The following CHN2 variants were observed in gnomAD, a reference collection of about 807,000 sequenced individuals.
CHN2 encodes chimerin 2.
Under a neutral mutation model 56.3 loss-of-function variants are expected in CHN2, and 35 were observed. The ratio of observed to expected loss-of-function variants is 0.62; its 90% CI spans 0.47 to 0.82. CHN2 has a LOEUF of 0.82. Among genes scored for constraint, CHN2 ranks in the 40% least tolerant of loss-of-function variants. The pLI, the probability that CHN2 is intolerant of heterozygous loss-of-function variation, is 0.00. For synonymous variants in CHN2, 210 were observed against 212.8 expected, an observed-to-expected ratio of 0.99 and a Z score of 0.12; for missense variants, 491 against 580.5, an observed-to-expected ratio of 0.85 and a Z score of 1.58.
intron 1 of CHN2, among the ~76,000 whole-genome samples, chr7:29,257,627 C>G (rs964457094): frequency 5.3e-5 from 8 of 152,156 alleles, no homozygotes; most frequent in Admixed American, 6.5e-5. Context: ...GAAATGGCAG[C>G]TTCAGAGAGG....
At chr7:29,506,653 A>G (rs1201998019) in intron 10 of CHN2, among the ~76,000 whole-genome samples, 1 of 152,182 alleles carries the variant, frequency 6.6e-6, no homozygotes, top group East Asian at 1.9e-4. Flanking sequence ...ACAAAAAAGA[A>G]TGATAAGAAA....
At chr7:29,373,335 C>A (rs1799770982) in intron 3 of CHN2, among the ~76,000 whole-genome samples, 1 of 152,046 alleles carries the variant, frequency 6.6e-6, no homozygotes, top group Admixed American at 6.6e-5. Context: ...CCCCACTGCA[C>A]CTGGCTCATT....
rs189981312 is a variant in CHN2, at chr7:29,406,431, T to A, written c.576+5603T>A. Among the ~76,000 whole-genome samples, 118 of 152,220 alleles carry A rather than the reference T, an allele frequency of 7.8e-4. 1 individual carries two copies. Among genetic ancestry groups the A allele is most frequent in the Non-Finnish European group, 1.5e-3 (99 of 68,008 alleles). ...AGGGGTACCTGTGAGCTGTTAACAT[T>A]CTCCCCAGTTCCAGGCCAGGCATGC... is the stretch of plus-strand genomic sequence containing the variant. On this transcript the variant is annotated intron_variant, in intron 6 of 12. Coordinates refer to ENST00000222792, the MANE Select transcript of CHN2 (RefSeq NM_004067.4).
At position 29,400,591 on chromosome 7, in the gene CHN2, C is replaced by T. The variant is rs1190673550; in HGVS notation, c.339C>T (p.His113=). 1 of 1,614,174 alleles carries T rather than the reference C, an allele frequency of 6.2e-7. No homozygotes were observed. Among genetic ancestry groups the T allele is most frequent in the Admixed American group, 1.7e-5 (1 of 60,024 alleles). ...LNYRLFHDGK[H]FVGEKRFESI... ...ACAGGCTCTTCCACGACGGGAAACA[C>T]TTTGTGGGTGAGAAGAGGTTTGAGT... is the stretch of plus-strand genomic sequence containing the variant. Residue 113 remains histidine, a synonymous_variant, in exon 6 of 13, where the codon CAC becomes CAT. Transcript: ENST00000222792.
chr7:29,210,531 A>C (rs1341743226), intron 1 of CHN2, among the ~76,000 whole-genome samples: 1 of 152,168 alleles, frequency 6.6e-6, no homozygotes, highest in African/African-American at 2.4e-5. Context: ...ACAGACAAAA[A>C]TTCTGGACCT....
chr7:29,263,203 A>AT (rs1789717475), intron 1 of CHN2, among the ~76,000 whole-genome samples: 1 of 151,922 alleles, frequency 6.6e-6, no homozygotes, highest in Admixed American at 6.5e-5. Context: ...TGGTTTTCGT[A>AT]TTTTTTGGTG....
At chr7:29,211,454 A>G (rs892676558) in intron 1 of CHN2, among the ~76,000 whole-genome samples, 8 of 99,910 alleles carry the variant, frequency 8.0e-5, no homozygotes, top group African/African-American at 3.9e-4. Flanking sequence ...ATGTTGGCAC[A>G]CACACACACA....
chr7:29,295,054 G>A (rs1036831594), intron 1 of CHN2, among the ~76,000 whole-genome samples: 1 of 152,088 alleles, frequency 6.6e-6, no homozygotes. Context: ...CATAGTATTT[G>A]CATATTACCT....
intron 6 of CHN2, among the ~76,000 whole-genome samples, chr7:29,466,687 G>A (rs1296208223): frequency 6.6e-6 from 1 of 152,174 alleles, no homozygotes; most frequent in Non-Finnish European, 1.5e-5. Flanking sequence ...ACATCTGAGA[G>A]TTTCTGCAAA....
chr7:29,431,783 A>G (rs1034891030), intron 6 of CHN2, among the ~76,000 whole-genome samples: 4 of 152,144 alleles, frequency 2.6e-5, no homozygotes, highest in African/African-American at 9.7e-5. Context: ...CACCTTAGCA[A>G]TGCACAGATT....
intron 5 of CHN2, among the ~76,000 whole-genome samples, chr7:29,399,206 A>T (rs577653937): frequency 6.6e-6 from 1 of 152,122 alleles, no homozygotes; most frequent in Admixed American, 6.5e-5. Context: ...TTCTACAGCC[A>T]CCTCTGCCTG....
intron 6 of CHN2, among the ~76,000 whole-genome samples, chr7:29,425,893 G>T (rs148532411): frequency 2.0e-4 from 31 of 152,112 alleles, no homozygotes; most frequent in Non-Finnish European, 7.4e-5. Flanking sequence ...TAACTCTTGG[G>T]ACTTATCCAG....
rs879246507 is a variant in CHN2, at chr7:29,212,820, A to G, written c.49+17830A>G. On this transcript the variant is annotated intron_variant, in intron 1 of 12. Coordinates refer to ENST00000222792, the MANE Select transcript of CHN2 (RefSeq NM_004067.4). ...ACTCGGAAGGCCTCAGCACCTACCT[A>G]CCCCAGCCACTACTCTTCCTACCAC... 6 of 1,583,642 alleles carry G rather than the reference A, an allele frequency of 3.8e-6. No individual in the cohort carries two copies. In the South Asian group the frequency reaches 5.7e-5, roughly 15 times the overall value.
At chr7:29,429,254 G>A (rs1040884325) in intron 6 of CHN2, among the ~76,000 whole-genome samples, 28 of 152,186 alleles carry the variant, frequency 1.8e-4, no homozygotes, top group Non-Finnish European at 4.0e-4. Context: ...TAGTCATTTG[G>A]AAGTTGGCAG....
intron 8 of CHN2, among the ~76,000 whole-genome samples, chr7:29,497,386 T>G (rs1318984377): frequency 6.6e-6 from 1 of 152,144 alleles, no homozygotes; most frequent in African/African-American, 2.4e-5. Context: ...TGGTCCAAAG[T>G]CAATATTATG....
intron 1 of CHN2, among the ~76,000 whole-genome samples, chr7:29,317,039 T>C (rs1261537828): frequency 6.6e-6 from 1 of 152,214 alleles, no homozygotes; most frequent in East Asian, 1.9e-4. Context: ...CTTAAGACAT[T>C]TTGCACAATC....
In CHN2 at chr7:29,442,988, C is replaced by G. The variant is rs532102504; in HGVS notation, c.577-37291C>G. Among the ~76,000 whole-genome samples the G allele has an allele frequency of 2.2e-5, 3 of 133,696 alleles. No homozygotes were observed. The East Asian group carries it at 6.8e-4, about 30-fold the overall frequency. 87.7% of individuals were successfully genotyped at this position (133,696 alleles called of 152,430 possible). ...TCGCTCTGTCGCCCAGGCCAGACTG[C>G]AGACTGCAGTGGCGCAATCTCGGCT... On this transcript the variant is annotated intron_variant, in intron 6 of 12. Coordinates refer to ENST00000222792, the MANE Select transcript of CHN2 (RefSeq NM_004067.4).
At chr7:29,377,690 G>T (rs1168865107) in intron 3 of CHN2, among the ~76,000 whole-genome samples, 1 of 152,156 alleles carries the variant, frequency 6.6e-6, no homozygotes, top group Non-Finnish European at 1.5e-5. Context: ...TCTACCACTC[G>T]CCTGGCATCT....
intron 1 of CHN2, among the ~76,000 whole-genome samples, chr7:29,284,895 C>T (rs1436283471): frequency 2.0e-5 from 3 of 152,230 alleles, no homozygotes; most frequent in Non-Finnish European, 4.4e-5. Context: ...ATCCTCCCTT[C>T]TCCAGGCAGC....
Sources: gnomAD v4.1 joint callset for allele counts (sites outside exome capture counted in the v4.1 genomes callset) on GRCh38, gnomAD v4.1.1 for gene constraint, MANE v1.5 for transcripts, NCBI Gene and HGNC (gene_info 2026-07-23, HGNC 2026-07-21) for gene names.